LYRM4: variants seen among roughly 807,000 people sequenced by gnomAD.
LYRM4 encodes the protein LYR motif containing 4, also known as LYR motif-containing protein 4.
A neutral mutation model predicts 11.7 loss-of-function variants in LYRM4; 9 were observed. That is an observed-to-expected ratio of 0.77 (90% CI 0.46 to 1.34). LYRM4 has a LOEUF of 1.34. Ranked by LOEUF, LYRM4 falls within the 40% of genes most tolerant of loss-of-function variation. The pLI, the probability that LYRM4 is intolerant of heterozygous loss-of-function variation, is 0.00. For missense variants in LYRM4, 133 were observed against 112.5 expected (o/e 1.18, Z -0.82); for synonymous variants, 42 against 40.4 (o/e 1.04, Z -0.15).
chr6:5,258,662 T>C (rs1282886363), intron 1 of LYRM4, among the ~76,000 whole-genome samples: 1 of 152,200 alleles, frequency 6.6e-6, no homozygotes, highest in Non-Finnish European at 1.5e-5. Context: ...GGAATGTCGG[T>C]TTTTAGGTCT....
At chr6:5,066,132 C>G in the LYRM4 span, 9 of 554,312 alleles carry the variant, frequency 1.6e-5, no homozygotes, top group Admixed American at 1.9e-4. Context: ...ATTCCCTACA[C>G]TTTGGGTTTT....
At chr6:5,208,338 CTTT>C (rs1761815220) in intron 2 of LYRM4, among the ~76,000 whole-genome samples, 1 of 152,240 alleles carries the variant, frequency 6.6e-6, no homozygotes, top group Admixed American at 6.5e-5. Flanking sequence ...GACCAATGTG[CTTT>C]CTCTGCCAGA....
At chr6:5,172,751 C>T (rs974959446) in intron 2 of LYRM4, among the ~76,000 whole-genome samples, 2 of 152,174 alleles carry the variant, frequency 1.3e-5, no homozygotes, top group Non-Finnish European at 2.9e-5. Flanking sequence ...TAAAGAGACA[C>T]GTTAAGGCAC....
At chr6:5,107,804 A>C (rs1313009818), downstream of LYRM4, 1 of 152,156 alleles carries the variant, frequency 6.6e-6, no homozygotes, top group Non-Finnish European at 1.5e-5. Flanking sequence ...GAGGAGTTCA[A>C]GACCAGCCTG....
chr6:5,112,160 G>C (rs74529482), intron 2 of LYRM4, among the ~76,000 whole-genome samples: 4,649 of 152,282 alleles, frequency 0.031, 166 homozygotes, highest in Admixed American at 0.094. Flanking sequence ...CGGCACGCTC[G>C]CGAAGCCCGT....
In LYRM4 at chr6:5,178,542, A is replaced by T. The variant is rs375429289; in HGVS notation, c.207+38076T>A. ...AAAAATACAGAAATAGGCCAGGTGC[A>T]GTGGCTCACACCTGTAATCCCAGCA... On this transcript the variant is annotated intron_variant, in intron 2 of 2. Transcript: ENST00000330636. Among the ~76,000 whole-genome samples, 324 of 151,504 alleles carry T rather than the reference A, an allele frequency of 2.1e-3. 2 individuals carry two copies. The highest frequency in any genetic ancestry group is 6.9e-3 in the African/African-American group (284 of 41,290).
At chr6:5,075,981 G>A in the LYRM4 span, among the ~76,000 whole-genome samples, 2,625 of 150,420 alleles carry the variant, frequency 0.017, 31 homozygotes, top group Non-Finnish European at 0.022. Flanking sequence ...GAAAAAACCC[G>A]TCACGCAGGC....
intron 2 of LYRM4, among the ~76,000 whole-genome samples, chr6:5,189,395 C>G (rs578041352): frequency 2.0e-5 from 3 of 150,576 alleles, no homozygotes; most frequent in South Asian, 2.1e-4. Context: ...AAGGTTAGTG[C>G]TTAGCCTAAG....
At chr6:5,245,451 TC>T (rs1336851946) in intron 1 of LYRM4, among the ~76,000 whole-genome samples, 1 of 152,020 alleles carries the variant, frequency 6.6e-6, no homozygotes, top group African/African-American at 2.4e-5. Flanking sequence ...CAAACACAGT[TC>T]TTACACCCAT....
chr6:5,152,290 G>A (rs1051330044), intron 2 of LYRM4, among the ~76,000 whole-genome samples: 1 of 152,124 alleles, frequency 6.6e-6, no homozygotes, highest in African/African-American at 2.4e-5. Flanking sequence ...CTGATCAGCT[G>A]CAGGCAAGTA....
rs1003044232 is a variant in LYRM4 at position 5,235,660 on chromosome 6, C to T, written c.87-18922G>A. ...CTGTATCAGGCATAAGGTATTTAAACACATCATTACAATTCTACTCCTGCA... is the reference window on the plus strand; with the variant it reads ...CTGTATCAGGCATAAGGTATTTAAATACATCATTACAATTCTACTCCTGCA... On this transcript the variant is annotated intron_variant, in intron 1 of 2. Transcript: ENST00000330636. 3.1e-4 allele frequency among the ~76,000 whole-genome samples: 47 copies of T among 152,184 alleles called. 1 individual carries two copies. Among genetic ancestry groups the T allele is most frequent in the African/African-American group, 8.4e-4 (35 of 41,448 alleles).
chr6:5,046,271 C>T, the LYRM4 span, among the ~76,000 whole-genome samples: 5,678 of 152,086 alleles, frequency 0.037, 346 homozygotes, highest in African/African-American at 0.13. Flanking sequence ...CTCAGCCTCC[C>T]GAGTAGCTGG....
chr6:5,066,872 C>A, the LYRM4 span: 2 of 967,562 alleles, frequency 2.1e-6, no homozygotes, highest in Non-Finnish European at 3.1e-6. Context: ...GGTTCCTCGC[C>A]GGCAAGTGCT....
intron 2 of LYRM4, among the ~76,000 whole-genome samples, chr6:5,123,644 G>T (rs986721939): frequency 6.6e-6 from 1 of 152,192 alleles, no homozygotes; most frequent in Non-Finnish European, 1.5e-5. Context: ...CCTCTCCTGG[G>T]GTGCCCTGGC....
chr6:5,195,881 AT>A (rs1761023995), intron 2 of LYRM4, among the ~76,000 whole-genome samples: 1 of 152,234 alleles, frequency 6.6e-6, no homozygotes, highest in Non-Finnish European at 1.5e-5. Flanking sequence ...TATCCCCAGA[AT>A]TAATGAATAA....
the LYRM4 span, among the ~76,000 whole-genome samples, chr6:5,076,119 A>G: frequency 4.6e-5 from 7 of 151,532 alleles, no homozygotes; most frequent in Non-Finnish European, 1.0e-4. Flanking sequence ...TAATTTTTCT[A>G]TTTTTTTGTA....
chr6:5,063,589 C>T, the LYRM4 span, among the ~76,000 whole-genome samples: 3 of 152,234 alleles, frequency 2.0e-5, no homozygotes, highest in African/African-American at 4.8e-5. Flanking sequence ...GGAACCCAGG[C>T]TTGTTCACCT....
the LYRM4 span, chr6:5,086,328 T>C: frequency 6.5e-7 from 1 of 1,535,728 alleles, no homozygotes; most frequent in East Asian, 2.4e-5. Context: ...AGGCACCGTC[T>C]GGGGCCTCCG....
the LYRM4 span, among the ~76,000 whole-genome samples, chr6:5,079,070 C>A: frequency 7.2e-5 from 11 of 152,128 alleles, no homozygotes; most frequent in Admixed American, 6.6e-4. Flanking sequence ...GAGAAAAGCA[C>A]ACAAATTTTA....
Sources: allele counts gnomAD v4.1 joint callset (sites outside exome capture counted in the v4.1 genomes callset), GRCh38; gene constraint gnomAD v4.1.1; transcripts MANE v1.5; gene names NCBI Gene and HGNC (gene_info 2026-07-23, HGNC 2026-07-21).